DLG2: variants seen among roughly 807,000 people sequenced by gnomAD.
DLG2 encodes disks large homolog 2.
Under a neutral mutation model 132.5 loss-of-function variants are expected in DLG2, and 45 were observed. The observed-to-expected ratio is 0.34, with a 90% CI of 0.27 to 0.44. The LOEUF (loss-of-function observed/expected upper bound fraction) is 0.44. Ranked by LOEUF, DLG2 falls within the 20% of genes least tolerant of loss-of-function variation. The pLI is 1.00. For synonymous variants in DLG2, 424 were observed against 419.6 expected, an observed-to-expected ratio of 1.01 and a Z score of -0.13; for missense variants, 1,045 against 1,196.9, an observed-to-expected ratio of 0.87 and a Z score of 1.87.
At chr11:84,634,686 T>C (rs1007537148) in intron 6 of DLG2, among the ~76,000 whole-genome samples, 3 of 152,226 alleles carry the variant, frequency 2.0e-5, no homozygotes, top group Non-Finnish European at 1.5e-5. Context: ...TTAAACTTTG[T>C]TAAATTTAAT....
chr11:85,157,507 C>A (rs545715917), intron 4 of DLG2, among the ~76,000 whole-genome samples: 2 of 152,026 alleles, frequency 1.3e-5, no homozygotes, highest in African/African-American at 4.8e-5. Context: ...AGGAGTTTAG[C>A]GACTCTATAC....
intron 6 of DLG2, among the ~76,000 whole-genome samples, chr11:84,614,034 C>A (rs1394700339): frequency 1.3e-5 from 2 of 152,184 alleles, no homozygotes; most frequent in Non-Finnish European, 2.9e-5. Flanking sequence ...TAGTAAACAA[C>A]TGTGAATATG....
intron 18 of DLG2, among the ~76,000 whole-genome samples, chr11:83,764,731 G>C (rs932156635): frequency 2.6e-5 from 4 of 152,152 alleles, no homozygotes; most frequent in African/African-American, 9.7e-5. Context: ...ACAGATTTAG[G>C]GTTTGAACAC....
chr11:85,234,183 G>A (rs1409866517), intron 4 of DLG2, among the ~76,000 whole-genome samples: 1 of 151,770 alleles, frequency 6.6e-6, no homozygotes, highest in African/African-American at 2.4e-5. Context: ...GATACAGGAA[G>A]GTACATCAAC....
chr11:84,359,507 A>G (rs897127931), intron 7 of DLG2, among the ~76,000 whole-genome samples: 6 of 151,994 alleles, frequency 3.9e-5, no homozygotes, highest in Non-Finnish European at 8.8e-5. Flanking sequence ...CCTGAAAATT[A>G]TTGTCTAGGG....
chr11:84,806,922 G>T (rs1040883237), intron 6 of DLG2, among the ~76,000 whole-genome samples: 5 of 151,984 alleles, frequency 3.3e-5, no homozygotes, highest in African/African-American at 1.2e-4. Context: ...TGAAAATAAG[G>T]TTTCTATGCT....
At chr11:84,551,306 T>G (rs902764821) in intron 6 of DLG2, among the ~76,000 whole-genome samples, 5 of 152,186 alleles carry the variant, frequency 3.3e-5, no homozygotes, top group African/African-American at 4.8e-5. Context: ...AAAAGCATAT[T>G]TATACTTGAT....
intron 19 of DLG2, among the ~76,000 whole-genome samples, chr11:83,599,807 A>G (rs1246271553): frequency 1.3e-5 from 2 of 152,208 alleles, no homozygotes; most frequent in Non-Finnish European, 2.9e-5. Context: ...TCTGTAACCT[A>G]CAGTGAGTTG....
intron 3 of DLG2, among the ~76,000 whole-genome samples, chr11:85,540,277 T>G (rs550954281): frequency 6.6e-6 from 1 of 152,162 alleles, no homozygotes; most frequent in East Asian, 1.9e-4. Context: ...CCCCCCATCC[T>G]GTGCCCATAA....
At chr11:85,553,247 T>C (rs1430846254) in intron 3 of DLG2, among the ~76,000 whole-genome samples, 1 of 151,640 alleles carries the variant, frequency 6.6e-6, no homozygotes, top group African/African-American at 2.4e-5. Flanking sequence ...GAATTCTAAA[T>C]TCACTTTTTT....
At chr11:85,380,600 C>T (rs528224510) in intron 3 of DLG2, among the ~76,000 whole-genome samples, 7 of 152,118 alleles carry the variant, frequency 4.6e-5, no homozygotes, top group Non-Finnish European at 8.8e-5. Context: ...GCGGAGGTTG[C>T]GGTGAGTCAA....
At chr11:84,581,595 C>T (rs144763514) in intron 6 of DLG2, among the ~76,000 whole-genome samples, 65 of 152,180 alleles carry the variant, frequency 4.3e-4, no homozygotes, top group African/African-American at 1.5e-3. Context: ...AAAATCTATG[C>T]TGAATTTCAA....
At chr11:85,020,652 G>A (rs1418029939) in intron 6 of DLG2, 1 of 402,542 alleles carries the variant, frequency 2.5e-6, no homozygotes, top group African/African-American at 2.1e-5. Flanking sequence ...TGACAAACCT[G>A]ATACAAACAA....
At chr11:84,227,655 C>T (rs2097022032) in intron 8 of DLG2, among the ~76,000 whole-genome samples, 1 of 152,110 alleles carries the variant, frequency 6.6e-6, no homozygotes, top group Admixed American at 6.5e-5. Flanking sequence ...GGTGTGGTGG[C>T]TCACACCTGT....
chr11:83,896,928 ATG>A (rs772322966), intron 15 of DLG2, among the ~76,000 whole-genome samples: 30 of 149,736 alleles, frequency 2.0e-4, no homozygotes, highest in Non-Finnish European at 3.4e-4. Flanking sequence ...TTTAAAAATC[ATG>A]TGTCATTAAG....
intron 21 of DLG2, among the ~76,000 whole-genome samples, chr11:83,499,546 C>A (rs1030018022): frequency 1.3e-5 from 2 of 151,374 alleles, no homozygotes. Flanking sequence ...ACCATTTATT[C>A]GTAATTAATA....
chr11:84,414,535 T>G (rs543692190), intron 7 of DLG2, among the ~76,000 whole-genome samples: 24 of 152,306 alleles, frequency 1.6e-4, no homozygotes, highest in Middle Eastern at 3.4e-3. Context: ...TTGAAATGGG[T>G]ATTATATTCG....
chr11:83,654,677 C>T (rs1432220795), intron 18 of DLG2, among the ~76,000 whole-genome samples: 17 of 152,180 alleles, frequency 1.1e-4, no homozygotes. Flanking sequence ...CTAGCTATTG[C>T]TGTAACATCT....
At chr11:85,137,532 C>A (rs987032091) in intron 5 of DLG2, among the ~76,000 whole-genome samples, 5 of 152,048 alleles carry the variant, frequency 3.3e-5, no homozygotes, top group South Asian at 4.2e-4. Context: ...ATACAAAAGG[C>A]CTTCTCCTTA....
Sources: allele counts gnomAD v4.1 joint callset (sites outside exome capture counted in the v4.1 genomes callset), GRCh38; gene constraint gnomAD v4.1.1; transcripts MANE v1.5; gene names NCBI Gene and HGNC (gene_info 2026-07-23, HGNC 2026-07-21).